Variants in AMPD3 observed in about 807,000 individuals in gnomAD.
AMPD3 encodes the protein AMP deaminase 3.
In AMPD3, 57 loss-of-function variants were observed where a neutral mutation model predicts 82.3. The observed-to-expected ratio is 0.69, with a 90% CI of 0.56 to 0.86. The LOEUF (loss-of-function observed/expected upper bound fraction) is 0.86, where lower values mean the gene tolerates loss of function less well. Ranked by LOEUF, AMPD3 falls within the 40% of genes least tolerant of loss-of-function variation. AMPD3 has a pLI of 0.00. For synonymous variants in AMPD3, 381 were observed against 394.7 expected, an observed-to-expected ratio of 0.97 and a Z score of 0.41; for missense variants, 870 against 1,003.8, an observed-to-expected ratio of 0.87 and a Z score of 1.80.
At chr11:10,460,073 A>T (rs1848220529) in intron 1 of AMPD3, among the ~76,000 whole-genome samples, 1 of 130,684 alleles carries the variant, frequency 7.7e-6, no homozygotes, top group Admixed American at 7.7e-5. Flanking sequence ...TATTATATAT[A>T]ATATATATTT....
chr11:10,493,758 T>C, intron 7 of AMPD3: 1 of 637,846 alleles, frequency 1.6e-6, no homozygotes, highest in Non-Finnish European at 2.8e-6. Flanking sequence ...GCCTGACAGG[T>C]CTAAGCACTA....
chr11:10,505,631 A>C (rs1365474115), intron 14 of AMPD3, 77 bp from the exon 15 acceptor site: 1 of 1,577,504 alleles, frequency 6.3e-7, no homozygotes, highest in African/African-American at 1.4e-5. Context: ...GCTGTGACTG[A>C]TGTCAAAGCT....
At position 10,484,854 on chromosome 11, in the gene AMPD3, C is replaced by T. The variant is rs1461995855; in HGVS notation, c.624C>T (p.Pro208=). 1 of 1,614,094 alleles carries T rather than the reference C, an allele frequency of 6.2e-7. No homozygotes were observed. Among genetic ancestry groups the T allele is most frequent in the East Asian group, 2.2e-5 (1 of 44,878 alleles). Residue 208 remains proline (P), a synonymous_variant, in exon 5 of 15, where the codon CCC becomes CCT. Transcript: ENST00000396553. ...FHPPPLPQED[P]YCLDDAPPNL... is the part of the protein sequence containing the mutation. ...CTCCTCCACTGCCCCAGGAAGACCC[C>T]TACTGCCTGGATGATGCACCCCCCA...
chr11:10,470,627 A>C lies in AMPD3; in HGVS notation c.222-7899A>C, dbSNP rs546388001. On this transcript the variant is annotated intron_variant, in intron 2 of 14. Coordinates refer to ENST00000396553, the MANE Select transcript of AMPD3 (RefSeq NM_001025389.2). The stretch of plus-strand genomic sequence containing the variant: ...GCAACTTCAGCAAAGTCTCAGGATA[A>C]AAAATCAATGTGCAAAAATCACAAG... 5.3e-5 allele frequency among the ~76,000 whole-genome samples: 8 copies of C among 152,316 alleles called. 1 individual carries two copies. Among genetic ancestry groups the C allele is most frequent in the African/African-American group, 1.9e-4 (8 of 41,576 alleles).
chr11:10,480,599 C>A (rs1228344665), intron 3 of AMPD3, among the ~76,000 whole-genome samples: 1 of 142,276 alleles, frequency 7.0e-6, no homozygotes, highest in Non-Finnish European at 1.6e-5. Flanking sequence ...CAGACTTCTT[C>A]CCTCTGAGGA....
intron 10 of AMPD3, chr11:10,497,753 C>A (rs999839593): frequency 2.0e-6 from 2 of 985,254 alleles, no homozygotes; most frequent in Non-Finnish European, 2.4e-6. Context: ...GAGTCAGGGG[C>A]CTGCCTGGAG....
rs930093950 is a variant in AMPD3, at chr11:10,474,440, A to C, written c.222-4086A>C. On this transcript the variant is annotated intron_variant, in intron 2 of 14. Coordinates refer to ENST00000396553, the MANE Select transcript of AMPD3 (RefSeq NM_001025389.2). Reference sequence around the variant, plus strand: ...GTGGGCCTGAAGGGCTCCTCACTTTAGCATTTGAGTGCTATATAGGGAAGG... The same window carrying C: ...GTGGGCCTGAAGGGCTCCTCACTTTCGCATTTGAGTGCTATATAGGGAAGG... Among the ~76,000 whole-genome samples the C allele has an allele frequency of 3.9e-5, 6 of 152,282 alleles. No homozygotes were observed. In the South Asian group the frequency reaches 1.2e-3, roughly 32 times the overall value.
intron 1 of AMPD3, chr11:10,455,919 G>T: frequency 1.0e-6 from 1 of 985,410 alleles, no homozygotes; most frequent in Non-Finnish European, 1.2e-6. Context: ...CAGAACGGAA[G>T]CAGCAAAGGT....
chr11:10,500,986 C>T, intron 11 of AMPD3: 2 of 985,374 alleles, frequency 2.0e-6, no homozygotes, highest in South Asian at 4.7e-5. Context: ...AAAGAAATGG[C>T]CTGGCAGGGT....
intron 6 of AMPD3, among the ~76,000 whole-genome samples, chr11:10,489,552 T>G (rs1849179532): frequency 6.6e-6 from 1 of 152,198 alleles, no homozygotes; most frequent in Admixed American, 6.5e-5. Context: ...TGGACAGAGA[T>G]GACCTTGATA....
chr11:10,493,240 G>A, intron 6 of AMPD3, 109 bp from the exon 7 acceptor site: 2 of 1,302,154 alleles, frequency 1.5e-6, no homozygotes, highest in East Asian at 4.6e-5. Context: ...GGGCTGCCCG[G>A]ATGGCCCATG....
intron 2 of AMPD3, among the ~76,000 whole-genome samples, chr11:10,466,582 G>C (rs566914371): frequency 8.5e-5 from 13 of 152,332 alleles, no homozygotes; most frequent in Admixed American, 2.0e-4. Flanking sequence ...CTGGGACAGA[G>C]CACCTGGGGG....
upstream of AMPD3, among the ~76,000 whole-genome samples, chr11:10,452,348 AG>A (rs1847984190): frequency 3.3e-5 from 5 of 152,042 alleles, no homozygotes; most frequent in South Asian, 1.0e-3. Context: ...TCTTCCACCA[AG>A]TATAATAATC....
intron 2 of AMPD3, among the ~76,000 whole-genome samples, chr11:10,473,185 G>C (rs1205806699): frequency 6.6e-6 from 1 of 152,186 alleles, no homozygotes; most frequent in South Asian, 2.1e-4. Flanking sequence ...CACGAGAATT[G>C]CTTGAACCCA....
chr11:10,455,909 C>G (rs1428156385), intron 1 of AMPD3: 2 of 985,252 alleles, frequency 2.0e-6, no homozygotes, highest in African/African-American at 3.5e-5. Context: ...GAAGCACGTT[C>G]AGAACGGAAG....
intron 10 of AMPD3, 144 bp from the exon 11 acceptor site, chr11:10,499,918 ATCCCTGGGAGGAATATGGCCTCAG>A (rs1308981228): frequency 2.0e-6 from 2 of 983,054 alleles, no homozygotes. Context: ...CCCACTTTTC[ATCCCTGGGAGGAATATGGCCTCAG>A]GCAGGCCAAG....
At position 10,501,323 on chromosome 11, in the gene AMPD3, G is replaced by A. The variant is rs1171312716; in HGVS notation, c.1722-147G>A. 1.4e-5 allele frequency: 20 copies of A among 1,447,074 alleles called. No individual in the cohort carries two copies. In the Admixed American group the frequency reaches 4.6e-4, roughly 34 times the overall value. 89.6% of individuals were successfully genotyped at this position (1,447,074 alleles called of 1,614,324 possible). A position where few individuals can be genotyped will look rare whatever the true frequency, so the allele number is the denominator to read the frequency against. On this transcript the variant is annotated intron_variant, in intron 11 of 14. Transcript: ENST00000396553. ...CAGGGCCTGGACCTCTGCATTTTAG[G>A]AGGGGTAGTTTCCAGGGTGCACTGG...
chr11:10,450,750 C>T, upstream of AMPD3: 1 of 1,144,916 alleles, frequency 8.7e-7, no homozygotes, highest in Non-Finnish European at 1.1e-6. Flanking sequence ...TCTCTCTGCT[C>T]CGCTCCGCGC....
At chr11:10,479,458 C>A (rs145983273) in intron 3 of AMPD3, among the ~76,000 whole-genome samples, 226 of 152,290 alleles carry the variant, frequency 1.5e-3, no homozygotes, top group Non-Finnish European at 2.5e-3. Context: ...TCTGAGAAAG[C>A]AATGCAGCTT....
Sources: gnomAD v4.1 joint callset for allele counts (sites outside exome capture counted in the v4.1 genomes callset) on GRCh38, gnomAD v4.1.1 for gene constraint, MANE v1.5 for transcripts, NCBI Gene and HGNC (gene_info 2026-07-23, HGNC 2026-07-21) for gene names.